FAM174A: variants seen among roughly 807,000 people sequenced by gnomAD.
FAM174A encodes the protein family with sequence similarity 174 member A, also known as membrane protein FAM174A.
A neutral mutation model predicts 14.3 loss-of-function variants in FAM174A; 14 were observed. The observed-to-expected ratio is 0.98, with a 90% CI of 0.65 to 1.53. The LOEUF (loss-of-function observed/expected upper bound fraction) is 1.53. FAM174A is among the 40% of genes most tolerant of loss of function. The pLI, the probability that FAM174A is intolerant of heterozygous loss-of-function variation, is 0.00. For synonymous variants in FAM174A, 108 were observed against 111.4 expected (o/e 0.97, Z 0.19); for missense variants, 241 against 249.6 (o/e 0.97, Z 0.23).
At chr5:100,583,241 C>A (rs1747055738) in intron 2 of FAM174A, among the ~76,000 whole-genome samples, 1 of 152,046 alleles carries the variant, frequency 6.6e-6, no homozygotes, top group Non-Finnish European at 1.5e-5. Flanking sequence ...GTGGTAGAGG[C>A]AGAAGAGTTG....
At chr5:100,574,432 C>T (rs1455080663) in intron 2 of FAM174A, among the ~76,000 whole-genome samples, 1 of 152,116 alleles carries the variant, frequency 6.6e-6, no homozygotes. Context: ...AGGTGATCCA[C>T]CCGCCTCGAC....
At chr5:100,543,444 A>G (rs973392727) in intron 1 of FAM174A, among the ~76,000 whole-genome samples, 15 of 152,202 alleles carry the variant, frequency 9.9e-5, no homozygotes, top group African/African-American at 3.4e-4. Flanking sequence ...GGGCTAAATA[A>G]TCACATGTTG....
chr5:100,552,336 ACT>A (rs1428879837), intron 1 of FAM174A, among the ~76,000 whole-genome samples: 1 of 152,140 alleles, frequency 6.6e-6, no homozygotes, highest in Non-Finnish European at 1.5e-5. Flanking sequence ...ATTATTATTC[ACT>A]GTTTCATTGT....
chr5:100,574,717 G>A (rs1029989890), intron 2 of FAM174A, among the ~76,000 whole-genome samples: 18 of 152,234 alleles, frequency 1.2e-4, no homozygotes, highest in African/African-American at 4.3e-4. Context: ...CTACCAGGGA[G>A]GAGGGGGCGG....
At chr5:100,561,145 G>A (rs966488196) in intron 1 of FAM174A, among the ~76,000 whole-genome samples, 1 of 151,814 alleles carries the variant, frequency 6.6e-6, no homozygotes, top group South Asian at 2.1e-4. Context: ...TGAAGGAAAA[G>A]AACAAGTTAT....
Position 100,555,077 on chromosome 5 carries a change from C to T in FAM174A, c.435-6977C>T, listed in dbSNP as rs544444892. On this transcript the variant is annotated intron_variant, in intron 1 of 2. Transcript: ENST00000312637. ...ATATCTCCTAATGCTATCCCTCCCC[C>T]CTACCCCCACCCCACAACAGGCCCC... Among the ~76,000 whole-genome samples the T allele has an allele frequency of 3.0e-4, 45 of 152,080 alleles. No individual in the cohort carries two copies. The South Asian group carries it at 5.4e-3, about 18-fold the overall frequency.
chr5:100,535,640 C>T lies in FAM174A; in HGVS notation c.110C>T (p.Ala37Val). The T allele has an allele frequency of 6.2e-7, 1 of 1,612,900 alleles. No homozygotes were observed. The highest frequency in any genetic ancestry group is 8.5e-7 in the Non-Finnish European group (1 of 1,179,914). Residue 37 changes from alanine (A) to valine (V), a missense_variant, in exon 1 of 3, where the codon GCC (alanine) becomes GTC (valine). Ala to Val is a moderately conservative substitution (Grantham distance 64). Coordinates refer to ENST00000312637, the MANE Select transcript of FAM174A (RefSeq NM_198507.3). ...CCCCTGGCAGTCCTGCTGCAGGCAG[C>T]CGAGGCCGCGCCAGGTCTTGGGCCT... ...SGPLAVLLQA[A>V]EAAPGLGPPD...
chr5:100,536,828 A>G (rs1444314125), intron 1 of FAM174A, among the ~76,000 whole-genome samples: 1 of 152,216 alleles, frequency 6.6e-6, no homozygotes, highest in African/African-American at 2.4e-5. Flanking sequence ...TTTCCTTTTA[A>G]ACAAGTCGTT....
At chr5:100,579,691 G>T (rs1485176038) in intron 2 of FAM174A, among the ~76,000 whole-genome samples, 2 of 152,132 alleles carry the variant, frequency 1.3e-5, no homozygotes, top group East Asian at 3.9e-4. Flanking sequence ...CACCCAAAGT[G>T]CTGGGATTAC....
At chr5:100,553,068 A>C (rs1042762395) in intron 1 of FAM174A, among the ~76,000 whole-genome samples, 1 of 151,968 alleles carries the variant, frequency 6.6e-6, no homozygotes, top group Non-Finnish European at 1.5e-5. Context: ...CTATATCTAC[A>C]TGTGTGTGTA....
At chr5:100,569,376 CTA>C (rs1233597327) in intron 2 of FAM174A, among the ~76,000 whole-genome samples, 1 of 125,402 alleles carries the variant, frequency 8.0e-6, no homozygotes, top group African/African-American at 3.7e-5. Context: ...ACATATTACT[CTA>C]TAGAGGCTAT....
chr5:100,578,379 C>A (rs1746943539), intron 2 of FAM174A, among the ~76,000 whole-genome samples: 1 of 152,250 alleles, frequency 6.6e-6, no homozygotes, highest in South Asian at 2.1e-4. Context: ...CTTCTAAAAT[C>A]TTTCTCAGTT....
chr5:100,586,311 T>G lies in FAM174A; in HGVS notation c.*127T>G. The G allele has an allele frequency of 1.7e-6, 1 of 572,400 alleles. No individual in the cohort carries two copies. The highest frequency in any genetic ancestry group is 2.7e-5 in the South Asian group (1 of 37,060). 35.5% of individuals were successfully genotyped at this position (572,400 alleles called of 1,614,324 possible). On this transcript the variant is annotated 3_prime_UTR_variant, in exon 3 of 3. Transcript: ENST00000312637. ...TTAAGTTACATATATTTTAACAACC[T>G]TTAATTTGCTGTTGCAATAAATACC... is the stretch of plus-strand genomic sequence containing the variant.
intron 1 of FAM174A, among the ~76,000 whole-genome samples, chr5:100,536,702 A>G (rs987710743): frequency 8.5e-5 from 13 of 152,140 alleles, no homozygotes; most frequent in Non-Finnish European, 1.9e-4. Context: ...ATAAGTGTAG[A>G]GGGTAGGTTT....
chr5:100,542,516 C>A (rs1324052240), intron 1 of FAM174A, among the ~76,000 whole-genome samples: 4 of 152,170 alleles, frequency 2.6e-5, no homozygotes, highest in Non-Finnish European at 5.9e-5. Flanking sequence ...GTTCACATCA[C>A]TAGATTATTG....
At chr5:100,539,284 T>C (rs571766816) in intron 1 of FAM174A, among the ~76,000 whole-genome samples, 3 of 152,252 alleles carry the variant, frequency 2.0e-5, no homozygotes, top group East Asian at 1.9e-4. Context: ...ATAACACTTA[T>C]ATACTAGAGG....
intron 1 of FAM174A, among the ~76,000 whole-genome samples, chr5:100,548,352 C>G (rs1173157135): frequency 2.6e-5 from 4 of 152,034 alleles, no homozygotes; most frequent in Admixed American, 2.0e-4. Flanking sequence ...AGAACAACAA[C>G]TAATCAAAAC....
intron 1 of FAM174A, among the ~76,000 whole-genome samples, chr5:100,557,598 A>G (rs1161558499): frequency 2.0e-5 from 3 of 152,162 alleles, no homozygotes; most frequent in Non-Finnish European, 2.9e-5. Flanking sequence ...GCTATTAATT[A>G]TTGCCTCAAT....
intron 2 of FAM174A, chr5:100,581,351 C>T (rs957900672): frequency 8.1e-6 from 8 of 984,256 alleles, no homozygotes; most frequent in Non-Finnish European, 9.7e-6. Context: ...TTTCAGACTG[C>T]TGTGGAATTC....
Sources: gnomAD v4.1 joint callset for allele counts (sites outside exome capture counted in the v4.1 genomes callset) on GRCh38, gnomAD v4.1.1 for gene constraint, MANE v1.5 for transcripts, NCBI Gene and HGNC (gene_info 2026-07-23, HGNC 2026-07-21) for gene names.